PRDM16: variants seen among roughly 807,000 people sequenced by gnomAD.
PRDM16 encodes histone-lysine N-methyltransferase PRDM16.
A neutral mutation model predicts 110.6 loss-of-function variants in PRDM16; 23 were observed. That is an observed-to-expected ratio of 0.21 (90% confidence interval 0.15 to 0.29). The LOEUF is 0.29. Ranked by LOEUF, PRDM16 falls within the 10% of genes least tolerant of loss-of-function variation. The pLI, the probability that PRDM16 is intolerant of heterozygous loss-of-function variation, is 1.00. For synonymous variants in PRDM16, 799 were observed against 781.8 expected, an observed-to-expected ratio of 1.02 and a Z score of -0.37; for missense variants, 1,615 against 1,794.3, an observed-to-expected ratio of 0.90 and a Z score of 1.81.
intron 2 of PRDM16, among the ~76,000 whole-genome samples, chr1:3,240,041 A>AT (rs1639627099): frequency 1.0e-5 from 1 of 97,070 alleles, no homozygotes; most frequent in South Asian, 4.5e-4. Context: ...AGAGGAGAAG[A>AT]GGAGAGGAGA....
intron 1 of PRDM16, among the ~76,000 whole-genome samples, chr1:3,089,038 C>T (rs2100593448): frequency 6.6e-6 from 1 of 152,316 alleles, no homozygotes; most frequent in Non-Finnish European, 1.5e-5. Flanking sequence ...CCACCTTGGC[C>T]TCCCAAAGTG....
intron 2 of PRDM16, among the ~76,000 whole-genome samples, chr1:3,222,387 C>CT: frequency 6.6e-6 from 1 of 152,312 alleles, no homozygotes; most frequent in South Asian, 2.1e-4. Context: ...GGGACTTCCT[C>CT]TTTTTTGCTG....
chr1:3,123,928 T>G (rs1223087010), intron 1 of PRDM16, among the ~76,000 whole-genome samples: 7 of 152,178 alleles, frequency 4.6e-5, no homozygotes, highest in Non-Finnish European at 1.0e-4. Flanking sequence ...GCACCTGGGC[T>G]CGGGTGGGGC....
At chr1:3,144,082 G>T (rs751821612) in intron 1 of PRDM16, among the ~76,000 whole-genome samples, 20 of 152,198 alleles carry the variant, frequency 1.3e-4, no homozygotes, top group Non-Finnish European at 2.5e-4. Flanking sequence ...TGACTCTACA[G>T]GCCTGTGCAG....
chr1:3,107,589 C>T (rs1642687229), intron 1 of PRDM16, among the ~76,000 whole-genome samples: 1 of 152,244 alleles, frequency 6.6e-6, no homozygotes, highest in African/African-American at 2.4e-5. Context: ...TGTCTCAGCC[C>T]ATTTCTCTGA....
intron 1 of PRDM16, among the ~76,000 whole-genome samples, chr1:3,082,436 G>T (rs907851831): frequency 6.6e-6 from 1 of 152,220 alleles, no homozygotes; most frequent in Non-Finnish European, 1.5e-5. Flanking sequence ...AGGAAACCCA[G>T]GGTGAGGGAC....
At chr1:3,329,679 G>A (rs1203458513) in intron 3 of PRDM16, among the ~76,000 whole-genome samples, 2 of 152,334 alleles carry the variant, frequency 1.3e-5, no homozygotes, top group African/African-American at 2.4e-5. Context: ...TCTTCCAGCT[G>A]CCTGGCCCAA....
At chr1:3,071,213 G>A (rs1016302470) in intron 1 of PRDM16, among the ~76,000 whole-genome samples, 1 of 152,258 alleles carries the variant, frequency 6.6e-6, no homozygotes, top group East Asian at 1.9e-4. Flanking sequence ...CGGACTCGGC[G>A]CACCCGCGCG....
intron 1 of PRDM16, among the ~76,000 whole-genome samples, chr1:3,114,360 ACACG>A (rs1185231866): frequency 1.4e-5 from 2 of 141,944 alleles, no homozygotes; most frequent in South Asian, 2.2e-4. Context: ...ACACATGCAC[ACACG>A]CACACACGCA....
At chr1:3,099,818 G>A (rs1419547027) in intron 1 of PRDM16, among the ~76,000 whole-genome samples, 1 of 152,248 alleles carries the variant, frequency 6.6e-6, no homozygotes, top group Non-Finnish European at 1.5e-5. Context: ...AAATGCAGGT[G>A]CTGAAGAGTG....
intron 8 of PRDM16, among the ~76,000 whole-genome samples, chr1:3,409,062 G>A (rs964803457): frequency 7.4e-5 from 11 of 148,304 alleles, no homozygotes; most frequent in South Asian, 2.2e-4. Flanking sequence ...TGCGTGTGTC[G>A]GCGCACGTGA....
intron 1 of PRDM16, among the ~76,000 whole-genome samples, chr1:3,097,692 T>C (rs1025833610): frequency 1.3e-5 from 2 of 151,832 alleles, no homozygotes; most frequent in Admixed American, 6.5e-5. Flanking sequence ...CTTCCTACCA[T>C]GGAGGGAGGC....
chr1:3,169,863 C>T (rs985661692), intron 1 of PRDM16, among the ~76,000 whole-genome samples: 12 of 152,228 alleles, frequency 7.9e-5, no homozygotes, highest in Admixed American at 5.2e-4. Context: ...GGCGAGCTAA[C>T]GCCTTTGTCA....
At chr1:3,103,102 A>C (rs1642570018) in intron 1 of PRDM16, among the ~76,000 whole-genome samples, 1 of 152,226 alleles carries the variant, frequency 6.6e-6, no homozygotes. Flanking sequence ...CCACCGCAGC[A>C]GCAAAGTCAG....
intron 1 of PRDM16, among the ~76,000 whole-genome samples, chr1:3,089,179 A>G (rs926572248): frequency 1.3e-5 from 2 of 152,038 alleles, no homozygotes; most frequent in South Asian, 4.2e-4. Context: ...GGCCCCTCCG[A>G]CTCGACGTCT....
intron 3 of PRDM16, among the ~76,000 whole-genome samples, chr1:3,331,179 C>T (rs933419546): frequency 6.6e-6 from 1 of 152,220 alleles, no homozygotes; most frequent in Non-Finnish European, 1.5e-5. Flanking sequence ...ACCTCCAGCA[C>T]TTGGGTGGGC....
chr1:3,223,470 C>T (rs1024503542), intron 2 of PRDM16, among the ~76,000 whole-genome samples: 1 of 152,150 alleles, frequency 6.6e-6, no homozygotes, highest in African/African-American at 2.4e-5. Flanking sequence ...GCTGACCCCA[C>T]GCTCACCCCC....
chr1:3,185,150 C>G (rs558126547), intron 1 of PRDM16, among the ~76,000 whole-genome samples: 29 of 152,272 alleles, frequency 1.9e-4, no homozygotes, highest in African/African-American at 6.7e-4. Flanking sequence ...TTCTTCCTGT[C>G]CAGACTCCTC....
chr1:3,350,357 G>A lies in PRDM16; in HGVS notation c.439-34795G>A, dbSNP rs1459108571. On this transcript the variant is annotated intron_variant, in intron 3 of 16. Coordinates refer to ENST00000270722, the MANE Select transcript of PRDM16 (RefSeq NM_022114.4). The surrounding 1 kb of genome is among the most constrained non-coding windows in gnomAD (Gnocchi z 7.1). Reference sequence around the variant, plus strand: ...ATGAAAAGAAAAGATCTGGAAGTGGGAGGGGAGGCGGCTCTCTACCTCCAA... The same window carrying A: ...ATGAAAAGAAAAGATCTGGAAGTGGAAGGGGAGGCGGCTCTCTACCTCCAA... Among the ~76,000 whole-genome samples the A allele has an allele frequency of 7.2e-5, 11 of 152,126 alleles. No individual in the cohort carries two copies. The highest frequency in any genetic ancestry group is 1.5e-5 in the Non-Finnish European group (1 of 68,014).
Sources: gnomAD v4.1 joint callset for allele counts (sites outside exome capture counted in the v4.1 genomes callset) on GRCh38, gnomAD v4.1.1 for gene constraint, Gnocchi (gnomAD v3.1) non-coding constraint, MANE v1.5 for transcripts, NCBI Gene and HGNC (gene_info 2026-07-23, HGNC 2026-07-21) for gene names.